Variants in CLINT1 observed in about 807,000 individuals in gnomAD.
CLINT1 encodes the protein clathrin interactor 1, also known as clathrin interacting protein localized in the trans-Golgi region.
Under a neutral mutation model 70.4 loss-of-function variants are expected in CLINT1, and 15 were observed. That is an observed-to-expected ratio of 0.21 (90% CI 0.14 to 0.33). The LOEUF (loss-of-function observed/expected upper bound fraction) is 0.33. Ranked by LOEUF, CLINT1 falls within the 10% of genes least tolerant of loss-of-function variation. The pLI is 1.00. For synonymous variants in CLINT1, 227 were observed against 254.7 expected (o/e 0.89, Z 1.04); for missense variants, 615 against 778.1 (o/e 0.79, Z 2.49).
chr5:157,846,511 AAAG>A (rs528173011), intron 1 of CLINT1, among the ~76,000 whole-genome samples: 3 of 152,370 alleles, frequency 2.0e-5, no homozygotes, highest in African/African-American at 4.8e-5. Context: ...AGGTTTAAGA[AAAG>A]AAGCCGCCTC....
intron 9 of CLINT1, among the ~76,000 whole-genome samples, chr5:157,794,117 TTGGTGCAAGAGTAAC>T (rs1388076999): frequency 6.6e-6 from 1 of 152,140 alleles, no homozygotes; most frequent in Non-Finnish European, 1.5e-5. Context: ...TTCTATTAGG[TTGGTGCAAGAGTAAC>T]TGGGACAATT....
chr5:157,812,566 C>G (rs1158339841), intron 5 of CLINT1, among the ~76,000 whole-genome samples: 1 of 152,140 alleles, frequency 6.6e-6, no homozygotes, highest in Non-Finnish European at 1.5e-5. Context: ...CGTCAGTCAT[C>G]TTTTATATGT....
At chr5:157,843,836 C>A (rs1318811251) in intron 1 of CLINT1, among the ~76,000 whole-genome samples, 1 of 152,160 alleles carries the variant, frequency 6.6e-6, no homozygotes, top group Admixed American at 6.5e-5. Flanking sequence ...TGCACTGGCA[C>A]AATATGTGAA....
intron 8 of CLINT1, chr5:157,796,007 C>T (rs1167442265): frequency 6.6e-6 from 1 of 152,208 alleles, no homozygotes; most frequent in Non-Finnish European, 1.5e-5. Flanking sequence ...GATTGGGCAA[C>T]ACAGTGAGAC....
intron 6 of CLINT1, among the ~76,000 whole-genome samples, chr5:157,806,784 T>C (rs1021232885): frequency 1.3e-5 from 2 of 152,164 alleles, no homozygotes; most frequent in African/African-American, 4.8e-5. Flanking sequence ...TAAAATATTT[T>C]AAAGATAATT....
chr5:157,825,184 T>C (rs562452925), intron 1 of CLINT1, among the ~76,000 whole-genome samples: 4 of 152,142 alleles, frequency 2.6e-5, no homozygotes. Context: ...TTAAAACATA[T>C]AACCTATTCA....
At chr5:157,788,969 A>G (rs1003187699) in intron 11 of CLINT1, among the ~76,000 whole-genome samples, 2 of 29,160 alleles carry the variant, frequency 6.9e-5, no homozygotes, top group Non-Finnish European at 1.2e-4. Context: ...TCCATCTCAG[A>G]AAAAAAAAAA....
intron 1 of CLINT1, among the ~76,000 whole-genome samples, chr5:157,828,159 T>C (rs1455090075): frequency 6.6e-6 from 1 of 152,176 alleles, no homozygotes; most frequent in African/African-American, 2.4e-5. Context: ...GCTGCTGCTA[T>C]TATGACCTGG....
At chr5:157,796,404 C>T (rs1486039054) in intron 8 of CLINT1, among the ~76,000 whole-genome samples, 2 of 152,128 alleles carry the variant, frequency 1.3e-5, no homozygotes, top group African/African-American at 2.4e-5. Context: ...GTGAAACAGA[C>T]CAATATCTGA....
chr5:157,845,321 C>A (rs1302645412), intron 1 of CLINT1, among the ~76,000 whole-genome samples: 2 of 151,792 alleles, frequency 1.3e-5, no homozygotes, highest in East Asian at 1.9e-4. Context: ...TGCACTCCAG[C>A]CTGGGCGGCA....
At chr5:157,848,367 G>T (rs886660945) in intron 1 of CLINT1, among the ~76,000 whole-genome samples, 2 of 150,882 alleles carry the variant, frequency 1.3e-5, no homozygotes, top group Non-Finnish European at 2.9e-5. Context: ...AAAGCTCTGG[G>T]ATTACAGGCG....
intron 3 of CLINT1, among the ~76,000 whole-genome samples, chr5:157,815,120 TACACACAC>T (rs150242169): frequency 9.1e-5 from 13 of 142,116 alleles, no homozygotes; most frequent in Admixed American, 2.8e-4. Flanking sequence ...TCTTCACACA[TACACACAC>T]ACACACACAC....
rs1753845716 is a variant in CLINT1 at position 157,858,843 on chromosome 5, G to A, written c.41+87C>T. On this transcript the variant is annotated intron_variant, in intron 1 of 11. Transcript: ENST00000411809. ...CTGGCAGAGCCAGGGGGCGTGACGTGGGCAACCCCTAGCCCAAGGCCAGCT... is the reference window on the plus strand; with the variant it reads ...CTGGCAGAGCCAGGGGGCGTGACGTAGGCAACCCCTAGCCCAAGGCCAGCT... The A allele has an allele frequency of 2.8e-6, 4 of 1,416,440 alleles. No homozygotes were observed. In the East Asian group the frequency reaches 8.0e-5, roughly 28 times the overall value. 87.7% of individuals were successfully genotyped at this position (1,416,440 alleles called of 1,614,324 possible).
chr5:157,795,585 T>G (rs1266072302), intron 8 of CLINT1: 1 of 152,118 alleles, frequency 6.6e-6, no homozygotes, highest in Non-Finnish European at 1.5e-5. Flanking sequence ...TGATTGCAAC[T>G]TCCTCTCAGA....
At chr5:157,819,415 C>A (rs1339783311) in intron 1 of CLINT1, among the ~76,000 whole-genome samples, 1 of 151,974 alleles carries the variant, frequency 6.6e-6, no homozygotes, top group African/African-American at 2.4e-5. Context: ...CCACTGCCCA[C>A]CCCCCCTTAA....
intron 10 of CLINT1, 94 bp from the exon 11 acceptor site, chr5:157,789,607 T>C (rs752481590): frequency 1.3e-6 from 2 of 1,540,388 alleles, no homozygotes; most frequent in Non-Finnish European, 1.8e-6. Flanking sequence ...AAGCATCTGT[T>C]CTATAAAAAT....
intron 1 of CLINT1, among the ~76,000 whole-genome samples, chr5:157,834,197 C>G (rs1251278786): frequency 1.3e-5 from 2 of 151,708 alleles, no homozygotes; most frequent in African/African-American, 4.8e-5. Context: ...AACCCCATCT[C>G]TACTAAAATA....
rs191170499 is a variant in CLINT1 at position 157,840,873 on chromosome 5, A to G, written c.41+18057T>C. Reference sequence around the variant, plus strand: ...AGCCTGAGCAACACAGCGAGACCCCATCTCTTTAAAAAAGAGAAAAGTGTA... The same window carrying G: ...AGCCTGAGCAACACAGCGAGACCCCGTCTCTTTAAAAAAGAGAAAAGTGTA... On this transcript the variant is annotated intron_variant, in intron 1 of 11. Transcript: ENST00000411809. Among the ~76,000 whole-genome samples the G allele has an allele frequency of 2.8e-3, 432 of 152,184 alleles. 2 individuals carry two copies. The highest frequency in any genetic ancestry group is 9.9e-3 in the African/African-American group (413 of 41,522).
intron 1 of CLINT1, among the ~76,000 whole-genome samples, chr5:157,823,374 C>T (rs1161624816): frequency 6.6e-6 from 1 of 152,160 alleles, no homozygotes; most frequent in Non-Finnish European, 1.5e-5. Context: ...TCATTAGCTA[C>T]ATTTTAACTA....
Sources: allele counts gnomAD v4.1 joint callset (sites outside exome capture counted in the v4.1 genomes callset), GRCh38; gene constraint gnomAD v4.1.1; transcripts MANE v1.5; gene names NCBI Gene and HGNC (gene_info 2026-07-23, HGNC 2026-07-21).